Variants in PEX5L observed in about 807,000 individuals in gnomAD.
PEX5L encodes the protein PEX5-related protein.
PEX5L carries 30 observed loss-of-function variants against 84.0 expected under a neutral mutation model. The observed-to-expected ratio is 0.36, with a 90% CI of 0.27 to 0.48. The LOEUF (loss-of-function observed/expected upper bound fraction) is 0.48. PEX5L is among the 20% of genes least tolerant of loss of function. The pLI is 0.99. For synonymous variants in PEX5L, 270 were observed against 283.1 expected (o/e 0.95, Z 0.46); for missense variants, 533 against 754.6 (o/e 0.71, Z 3.44).
intron 1 of PEX5L, among the ~76,000 whole-genome samples, chr3:180,006,291 TA>T (rs548392183): frequency 5.3e-4 from 81 of 152,290 alleles, no homozygotes; most frequent in African/African-American, 1.8e-3. Flanking sequence ...TCTTTATTAT[TA>T]TTTTTTTTGC....
chr3:179,966,620 A>G (rs1553918960), intron 2 of PEX5L, among the ~76,000 whole-genome samples: 4 of 152,142 alleles, frequency 2.6e-5, no homozygotes, highest in Non-Finnish European at 4.4e-5. Context: ...TTGTTCTTCC[A>G]TTTTAATTTC....
At position 179,856,117 on chromosome 3, in the gene PEX5L, T is replaced by A. The variant is rs966883230; in HGVS notation, c.822+2945A>T. Among the ~76,000 whole-genome samples, 4 of 152,340 alleles carry A rather than the reference T, an allele frequency of 2.6e-5. No individual in the cohort carries two copies. The East Asian group carries it at 7.7e-4, about 29-fold the overall frequency. ...TGCCACATAACTGTCTGCAAGGTCT[T>A]TAAGCCTCAGTTTTCTCTTCTGAAA... On this transcript the variant is annotated intron_variant, in intron 8 of 14. Transcript: ENST00000467460.
chr3:179,953,678 G>A (rs553972062), intron 2 of PEX5L, among the ~76,000 whole-genome samples: 17 of 152,184 alleles, frequency 1.1e-4, no homozygotes, highest in African/African-American at 3.6e-4. Context: ...ATGATCCATC[G>A]TCAGTGATGG....
At chr3:179,973,335 A>C (rs1359560040) in intron 1 of PEX5L, 1 of 1,236,844 alleles carries the variant, frequency 8.1e-7, no homozygotes, top group Non-Finnish European at 1.0e-6. Flanking sequence ...CAGGAACAGC[A>C]TTAATAATGT....
intron 1 of PEX5L, among the ~76,000 whole-genome samples, chr3:180,005,779 A>G (rs1428621237): frequency 2.0e-5 from 3 of 152,140 alleles, no homozygotes; most frequent in South Asian, 4.1e-4. Context: ...TGTATTTCCC[A>G]GGCTAGTCTC....
At chr3:179,926,306 C>T (rs370722636) in intron 2 of PEX5L, among the ~76,000 whole-genome samples, 7 of 152,142 alleles carry the variant, frequency 4.6e-5, no homozygotes, top group African/African-American at 1.7e-4. Flanking sequence ...TACATCAGTG[C>T]CCTCGGACCA....
At chr3:179,984,672 A>G (rs942774959) in intron 1 of PEX5L, among the ~76,000 whole-genome samples, 1 of 152,072 alleles carries the variant, frequency 6.6e-6, no homozygotes, top group African/African-American at 2.4e-5. Flanking sequence ...TTCTCTAATA[A>G]TTATAAAGTC....
rs564011460 is a variant in PEX5L, at chr3:180,022,721, C to T, written c.21+13858G>A. 5.9e-5 allele frequency among the ~76,000 whole-genome samples: 9 copies of T among 152,196 alleles called. No individual in the cohort carries two copies. The East Asian group carries it at 1.4e-3, about 23-fold the overall frequency. ...GTCTCCACACTGGGCTTCTGAGCTC[C>T]GATTAATCCCATAGCCTCAATATTA... is the stretch of plus-strand genomic sequence containing the variant. On this transcript the variant is annotated intron_variant, in intron 1 of 14. Coordinates refer to ENST00000467460, the MANE Select transcript of PEX5L (RefSeq NM_016559.3).
chr3:179,849,321 G>A (rs1740860034), intron 8 of PEX5L, among the ~76,000 whole-genome samples: 1 of 152,098 alleles, frequency 6.6e-6, no homozygotes, highest in East Asian at 1.9e-4. Context: ...AGTTTGAAGT[G>A]CTAATTATAT....
At chr3:180,030,621 C>T (rs189462713) in intron 1 of PEX5L, among the ~76,000 whole-genome samples, 39 of 152,160 alleles carry the variant, frequency 2.6e-4, no homozygotes, top group Admixed American at 4.6e-4. Flanking sequence ...GTTTTAAGAA[C>T]CACATGATTT....
intron 2 of PEX5L, among the ~76,000 whole-genome samples, chr3:179,947,424 A>C (rs180842658): frequency 6.6e-6 from 1 of 152,224 alleles, no homozygotes; most frequent in Non-Finnish European, 1.5e-5. Context: ...GGCAGATATG[A>C]CTATCTTTGT....
rs151121940 is a variant in PEX5L, at chr3:180,019,965, C to A, written c.21+16614G>T. Among the ~76,000 whole-genome samples, 7 of 152,228 alleles carry A rather than the reference C, an allele frequency of 4.6e-5. 1 individual carries two copies. Among genetic ancestry groups the A allele is most frequent in the African/African-American group, 2.4e-5 (1 of 41,550 alleles). On this transcript the variant is annotated intron_variant, in intron 1 of 14. Transcript: ENST00000467460. Reference sequence around the variant, plus strand: ...GAAATCAAACAATTAGGCTTCTTAACGAATTAATGTACACTTCAATTTTCA... The same window carrying A: ...GAAATCAAACAATTAGGCTTCTTAAAGAATTAATGTACACTTCAATTTTCA...
chr3:179,810,870 G>T (rs1481405091), intron 11 of PEX5L, among the ~76,000 whole-genome samples: 1 of 152,196 alleles, frequency 6.6e-6, no homozygotes, highest in Non-Finnish European at 1.5e-5. Flanking sequence ...TAATGTGCAT[G>T]TGTATACAGG....
chr3:179,943,321 T>C (rs552632825), intron 2 of PEX5L, among the ~76,000 whole-genome samples: 14 of 152,368 alleles, frequency 9.2e-5, no homozygotes, highest in African/African-American at 3.4e-4. Context: ...ACAGAGATTC[T>C]TATTCCTTGT....
intron 1 of PEX5L, among the ~76,000 whole-genome samples, chr3:179,979,374 T>C (rs1227566501): frequency 6.6e-6 from 1 of 152,202 alleles, no homozygotes; most frequent in Non-Finnish European, 1.5e-5. Flanking sequence ...AATCATAGGA[T>C]GCAGTGACCA....
At chr3:179,997,884 C>G (rs1232020596) in intron 1 of PEX5L, among the ~76,000 whole-genome samples, 2 of 152,222 alleles carry the variant, frequency 1.3e-5, no homozygotes, top group Non-Finnish European at 2.9e-5. Flanking sequence ...AGCAATATAC[C>G]TTTATTGTCC....
At chr3:179,817,226 T>C (rs562597147) in intron 9 of PEX5L, among the ~76,000 whole-genome samples, 1 of 152,300 alleles carries the variant, frequency 6.6e-6, no homozygotes, top group African/African-American at 2.4e-5. Context: ...ATTGTAAAAA[T>C]TTAAAGAATA....
At chr3:179,897,618 G>A (rs995816136) in intron 3 of PEX5L, among the ~76,000 whole-genome samples, 2 of 152,012 alleles carry the variant, frequency 1.3e-5, no homozygotes, top group African/African-American at 4.8e-5. Flanking sequence ...GGGACTCAGG[G>A]ACTTCTGGCT....
At chr3:180,013,649 C>T (rs988961138) in intron 1 of PEX5L, among the ~76,000 whole-genome samples, 1 of 152,016 alleles carries the variant, frequency 6.6e-6, no homozygotes, top group Non-Finnish European at 1.5e-5. Context: ...ATGTGATATG[C>T]TTAGTAGAAC....
Sources: gnomAD v4.1 joint callset for allele counts (sites outside exome capture counted in the v4.1 genomes callset) on GRCh38, gnomAD v4.1.1 for gene constraint, MANE v1.5 for transcripts, NCBI Gene and HGNC (gene_info 2026-07-23, HGNC 2026-07-21) for gene names.